Variants in HK1 observed in about 807,000 individuals in gnomAD.
HK1 encodes the protein hexokinase 1, also known as hexokinase-1.
HK1 carries 28 observed loss-of-function variants against 91.6 expected under a neutral mutation model. The ratio of observed to expected loss-of-function variants is 0.31; its 90% confidence interval spans 0.23 to 0.42. The LOEUF is 0.42. HK1 is among the 10% of genes least tolerant of loss of function. HK1 has a pLI of 1.00. For missense variants in HK1, 770 were observed against 1,219.8 expected, an observed-to-expected ratio of 0.63 and a Z score of 5.49; for synonymous variants, 430 against 468.1, an observed-to-expected ratio of 0.92 and a Z score of 1.05.
At chr10:69,316,431 G>A (rs148475266), upstream of HK1, among the ~76,000 whole-genome samples, 487 of 152,334 alleles carry the variant, frequency 3.2e-3, 5 homozygotes, top group African/African-American at 0.011. Context: ...AATATTTCTG[G>A]CACAGGGAGA....
chr10:69,300,574 G>GT lies in HK1; in HGVS notation c.-66-193dup, dbSNP rs371459676. 1.7e-4 allele frequency: 119 copies of GT among 697,704 alleles called. 4 individuals are homozygous for GT. The African/African-American group carries it at 1.9e-3, about 11-fold the overall frequency. The allele number at this position is 697,704 out of a possible 1,614,324, so 43.2% of individuals were successfully genotyped here. A position where few individuals can be genotyped will look rare whatever the true frequency, so the allele number is the denominator to read the frequency against. On this transcript the variant is annotated intron_variant, in intron 4 of 21. Coordinates refer to the HK1 transcript ENST00000360289. Reference sequence around the variant, plus strand: ...ATTCTGCATTTCTCTAGATCTTTGAGTTGCACATCAAATCTGGGGCTGATC... The same window carrying GT: ...ATTCTGCATTTCTCTAGATCTTTGAGTTTGCACATCAAATCTGGGGCTGATC...
chr10:69,320,333 G>A lies in HK1; in HGVS notation c.63+1323G>A, dbSNP rs561035486. ...CTGCCGTGATCTTGGATCCCATGGT[G>A]GGTGGGGACCGGGAGTGAGGTAGGT... On this transcript the variant is annotated intron_variant, in intron 1 of 17. Coordinates refer to ENST00000359426, the MANE Select transcript of HK1 (RefSeq NM_000188.3). 2.1e-4 allele frequency among the ~76,000 whole-genome samples: 32 copies of A among 152,246 alleles called. 1 individual carries two copies. The South Asian group carries it at 5.4e-3, about 26-fold the overall frequency.
In HK1 at chr10:69,307,644, C is replaced by T. The variant is rs185226120; in HGVS notation, c.27+6783C>T. On this transcript the variant is annotated intron_variant, in intron 5 of 21. Coordinates refer to the HK1 transcript ENST00000360289. ...TAATCACCCCGTGATTCAGTTTCCT[C>T]ATCTATAAAATGGGGATATTACGAG... Among the ~76,000 whole-genome samples, 366 of 152,314 alleles carry T rather than the reference C, an allele frequency of 2.4e-3. 3 individuals are homozygous for T. Among genetic ancestry groups the T allele is most frequent in the African/African-American group, 8.5e-3 (354 of 41,568 alleles).
intron 2 of HK1, among the ~76,000 whole-genome samples, chr10:69,285,910 CCTA>C (rs1401920923): frequency 6.6e-6 from 1 of 152,202 alleles, no homozygotes; most frequent in African/African-American, 2.4e-5. Flanking sequence ...TTCCCCTCCT[CCTA>C]CTCCGTCTCC....
At chr10:69,273,595 C>T (rs913718269) in intron 1 of HK1, among the ~76,000 whole-genome samples, 1 of 152,062 alleles carries the variant, frequency 6.6e-6, no homozygotes, top group Non-Finnish European at 1.5e-5. Flanking sequence ...CAGGTGATCC[C>T]CCTGTCTTGG....
Position 69,379,922 on chromosome 10 carries a change from C to T in HK1, c.1092C>T (p.Ser364=), listed in dbSNP as rs755245138. The part of the protein sequence containing the change: ...EILTRLGVEP[S]DDDCVSVQHV... ...TGACCCGCCTGGGAGTGGAGCCGTC[C>T]GATGATGACTGTGTCTCAGTCCAGC... Residue 364 remains serine (S), a synonymous_variant, in exon 9 of 18, where the codon TCC becomes TCT. Transcript: ENST00000359426. The T allele has an allele frequency of 2.8e-5, 46 of 1,614,040 alleles. No homozygotes were observed. Among genetic ancestry groups the T allele is most frequent in the Admixed American group, 2.2e-4 (13 of 60,006 alleles).
At chr10:69,387,209 C>T (rs1009295017) in intron 13 of HK1, among the ~76,000 whole-genome samples, 6 of 152,134 alleles carry the variant, frequency 3.9e-5, no homozygotes, top group Admixed American at 6.5e-5. Flanking sequence ...AGAGCAAAGC[C>T]CCACTTCTTT....
intron 8 of HK1, among the ~76,000 whole-genome samples, chr10:69,378,982 C>T (rs1044480986): frequency 1.3e-4 from 20 of 152,174 alleles, no homozygotes; most frequent in Non-Finnish European, 2.6e-4. Flanking sequence ...TGGGACTCCC[C>T]CGACCCTCCC....
At chr10:69,293,089 T>C (rs1445455653) in intron 3 of HK1, among the ~76,000 whole-genome samples, 1 of 152,218 alleles carries the variant, frequency 6.6e-6, no homozygotes, top group Non-Finnish European at 1.5e-5. Flanking sequence ...AACACTCATT[T>C]CTGGAGGTGT....
At chr10:69,306,500 T>C (rs1292471911) in intron 5 of HK1, among the ~76,000 whole-genome samples, 1 of 152,088 alleles carries the variant, frequency 6.6e-6, no homozygotes, top group African/African-American at 2.4e-5. Flanking sequence ...TTTTGAGACT[T>C]TGATTAGCTT....
chr10:69,391,908 G>A (rs1314844419), intron 14 of HK1, among the ~76,000 whole-genome samples: 1 of 152,202 alleles, frequency 6.6e-6, no homozygotes. Context: ...TTGGTTGAAA[G>A]TCAGCTAAGC....
intron 15 of HK1, among the ~76,000 whole-genome samples, chr10:69,393,617 C>G (rs945228343): frequency 6.6e-6 from 1 of 152,198 alleles, no homozygotes; most frequent in South Asian, 2.1e-4. Context: ...TCTTTACTGA[C>G]ATTTAATGAA....
intron 10 of HK1, 149 bp downstream of exon 10, chr10:69,382,940 C>T (rs913571020): frequency 5.4e-6 from 4 of 746,214 alleles, no homozygotes; most frequent in Non-Finnish European, 8.9e-6. Context: ...CTCTGTTTTC[C>T]ATTTTTATTA....
rs1238013977 is a variant in HK1, at chr10:69,364,872, T to A, written c.465T>A (p.Ser155=). Residue 155 remains serine (S), a synonymous_variant, in exon 4 of 18, where the codon TCT becomes TCA. Coordinates refer to ENST00000359426, the MANE Select transcript of HK1 (RefSeq NM_000188.3). ...DKKLPVGFTF[S]FPCQQSKIDE... is the part of the protein sequence containing the mutation. Reference sequence around the variant, plus strand: ...AGTTACCTGTGGGATTCACGTTTTCTTTTCCTTGCCAACAATCCAAAATAG... The same window carrying A: ...AGTTACCTGTGGGATTCACGTTTTCATTTCCTTGCCAACAATCCAAAATAG... 1.9e-6 allele frequency: 3 copies of A among 1,614,076 alleles called. No homozygotes were observed. The African/African-American group carries it at 4.0e-5, about 22-fold the overall frequency.
At chr10:69,278,740 T>C (rs1352073825) in intron 1 of HK1, 2 of 152,192 alleles carry the variant, frequency 1.3e-5, no homozygotes, top group African/African-American at 4.8e-5. Context: ...GATTAGGAAG[T>C]CTTTTGCTTC....
intron 2 of HK1, among the ~76,000 whole-genome samples, chr10:69,349,151 C>T (rs1848716688): frequency 6.6e-6 from 1 of 152,206 alleles, no homozygotes; most frequent in Non-Finnish European, 1.5e-5. Flanking sequence ...AAACCTATTA[C>T]TGCAGAAAGA....
chr10:69,305,831 C>T (rs374907705), intron 5 of HK1, among the ~76,000 whole-genome samples: 10 of 147,474 alleles, frequency 6.8e-5, no homozygotes, highest in South Asian at 2.1e-4. Flanking sequence ...CCAGCCTGGG[C>T]GACAGAGTGA....
At chr10:69,289,461 ATTTTTTTT>A (rs67564699) in intron 3 of HK1, among the ~76,000 whole-genome samples, 42 of 112,820 alleles carry the variant, frequency 3.7e-4, no homozygotes, top group African/African-American at 1.6e-3. Context: ...AAAAAAAAAA[ATTTTTTTT>A]TTTTTTTTTT....
chr10:69,350,287 A>T (rs190982398), intron 2 of HK1, among the ~76,000 whole-genome samples: 1 of 152,224 alleles, frequency 6.6e-6, no homozygotes, highest in Non-Finnish European at 1.5e-5. Context: ...TTCCAACCTC[A>T]TAGGTGAAAA....
Sources: allele counts gnomAD v4.1 joint callset (sites outside exome capture counted in the v4.1 genomes callset), GRCh38; gene constraint gnomAD v4.1.1; transcripts MANE v1.5; gene names NCBI Gene and HGNC (gene_info 2026-07-23, HGNC 2026-07-21).